SYNJ2BP: variants seen among roughly 807,000 people sequenced by gnomAD.
SYNJ2BP encodes synaptojanin-2-binding protein.
SYNJ2BP carries 10 observed loss-of-function variants against 16.9 expected under a neutral mutation model. The observed-to-expected ratio is 0.59, with a 90% CI of 0.36 to 1.00. SYNJ2BP has a LOEUF of 1.00. Among genes scored for constraint, SYNJ2BP ranks in the 50% least tolerant of loss-of-function variants. The pLI is 0.01. For missense variants in SYNJ2BP, 162 were observed against 186.7 expected (o/e 0.87, Z 0.77); for synonymous variants, 54 against 68.4 (o/e 0.79, Z 1.04).
chr14:70,376,925 A>T (rs1208528886), intron 2 of SYNJ2BP, among the ~76,000 whole-genome samples: 1 of 152,122 alleles, frequency 6.6e-6, no homozygotes, highest in African/African-American at 2.4e-5. Context: ...TCCTTCTCCA[A>T]GGCACTCATA....
chr14:70,415,498 C>T (rs913440551), intron 1 of SYNJ2BP, among the ~76,000 whole-genome samples: 1 of 149,350 alleles, frequency 6.7e-6, no homozygotes, highest in African/African-American at 2.5e-5. Context: ...CTGCAGTGGG[C>T]TGAGATCGTG....
At chr14:70,396,984 T>C (rs756816932) in intron 1 of SYNJ2BP, among the ~76,000 whole-genome samples, 3 of 152,232 alleles carry the variant, frequency 2.0e-5, no homozygotes, top group Non-Finnish European at 2.9e-5. Flanking sequence ...AATTTTTTAC[T>C]TTTAATGAAG....
intron 1 of SYNJ2BP, among the ~76,000 whole-genome samples, chr14:70,414,692 C>G (rs1456242175): frequency 6.6e-6 from 1 of 152,022 alleles, no homozygotes; most frequent in Admixed American, 6.6e-5. Flanking sequence ...TCAAACATCT[C>G]AAGAGGTAGT....
intron 1 of SYNJ2BP, among the ~76,000 whole-genome samples, chr14:70,397,489 C>T (rs1004071793): frequency 6.6e-6 from 1 of 152,304 alleles, no homozygotes. Context: ...TGGGGTGTCA[C>T]TTTTCTGGCA....
chr14:70,381,043 G>C (rs141013727), intron 2 of SYNJ2BP, among the ~76,000 whole-genome samples: 6 of 152,250 alleles, frequency 3.9e-5, no homozygotes, highest in African/African-American at 9.6e-5. Flanking sequence ...CCTGAAGTTT[G>C]GCTGCAGAGT....
At chr14:70,408,674 A>AC (rs1198912156) in intron 1 of SYNJ2BP, among the ~76,000 whole-genome samples, 2 of 2,852 alleles carry the variant, frequency 7.0e-4, no homozygotes, top group Non-Finnish European at 1.6e-3. Flanking sequence ...ACTCCGTCTC[A>AC]AAAAAAAAAA....
intron 2 of SYNJ2BP, among the ~76,000 whole-genome samples, chr14:70,381,959 G>A (rs948262779): frequency 2.0e-5 from 3 of 152,164 alleles, no homozygotes; most frequent in Admixed American, 2.0e-4. Flanking sequence ...TTGTTTGGCC[G>A]GGCGCGGTGG....
chr14:70,405,072 A>G (rs1888318579), intron 1 of SYNJ2BP, among the ~76,000 whole-genome samples: 1 of 152,130 alleles, frequency 6.6e-6, no homozygotes, highest in Non-Finnish European at 1.5e-5. Flanking sequence ...GGCTGCAGTA[A>G]GCTGTAATCA....
chr14:70,400,972 C>T (rs892535484), intron 1 of SYNJ2BP, among the ~76,000 whole-genome samples: 1 of 151,980 alleles, frequency 6.6e-6, no homozygotes, highest in Non-Finnish European at 1.5e-5. Flanking sequence ...TTGAAAAGTC[C>T]GTAAATTATG....
chr14:70,380,661 CA>C lies in SYNJ2BP; in HGVS notation c.202-4891del, dbSNP rs11453577. Among the ~76,000 whole-genome samples the C allele has an allele frequency of 6.0e-4, 85 of 141,006 alleles. 1 individual carries two copies. Among genetic ancestry groups the C allele is most frequent in the South Asian group, 2.3e-3 (10 of 4,332 alleles). 92.5% of individuals were successfully genotyped at this position (141,006 alleles called of 152,430 possible). A position where few individuals can be genotyped will look rare whatever the true frequency, so the allele number is the denominator to read the frequency against. ...TGGGCAACAGAGCAAGACTCTGTCT[CA>C]AAAAAAAAAAAAAGTTAGAGTTGAA... is the stretch of plus-strand genomic sequence containing the variant. On this transcript the variant is annotated intron_variant, in intron 2 of 3. Transcript: ENST00000256366.
chr14:70,388,635 T>A, intron 1 of SYNJ2BP, 29 bp from the exon 2 acceptor site: 1 of 1,456,670 alleles, frequency 6.9e-7, no homozygotes, highest in Non-Finnish European at 9.1e-7. Context: ...AGTAAAAAGA[T>A]GGGGGTGAAG....
intron 2 of SYNJ2BP, among the ~76,000 whole-genome samples, chr14:70,386,611 A>C (rs1887864902): frequency 6.6e-6 from 1 of 152,182 alleles, no homozygotes; most frequent in Non-Finnish European, 1.5e-5. Flanking sequence ...TCAAATACTC[A>C]GATGCCAAAT....
chr14:70,376,567 T>A (rs3784155), intron 2 of SYNJ2BP, among the ~76,000 whole-genome samples: 132,566 of 152,244 alleles, frequency 0.87, 57,784 homozygotes, highest in East Asian at 0.93. Context: ...TCTTTTATAC[T>A]TGTCAATGTC....
chr14:70,416,951 C>T lies in SYNJ2BP; in HGVS notation c.13G>A (p.Val5Met), dbSNP rs1374960799. The change falls in exon 1 of 4, where the codon GTG becomes ATG. Residue 5 changes from valine to methionine, a missense_variant. Physicochemically the swap from Val to Met is conservative, Grantham distance 21. Coordinates refer to ENST00000256366, the MANE Select transcript of SYNJ2BP (RefSeq NM_018373.3). ...TCTTCCTCAGTGACCAAATAATCCACTCTTCCGTTCATGTTTTACAGCTCG... is the reference window on the plus strand; with the variant it reads ...TCTTCCTCAGTGACCAAATAATCCATTCTTCCGTTCATGTTTTACAGCTCG... MNGR[V>M]DYLVTEEEIN... 1.9e-6 allele frequency: 3 copies of T among 1,614,086 alleles called. No individual in the cohort carries two copies. The highest frequency in any genetic ancestry group is 2.7e-5 in the African/African-American group (2 of 74,932).
chr14:70,385,365 A>T, intron 2 of SYNJ2BP, among the ~76,000 whole-genome samples: 1 of 151,756 alleles, frequency 6.6e-6, no homozygotes, highest in South Asian at 2.1e-4. Flanking sequence ...ATTTTATTTT[A>T]TTTTATTTTG....
At chr14:70,383,238 G>A (rs1268778475) in intron 2 of SYNJ2BP, among the ~76,000 whole-genome samples, 2 of 152,190 alleles carry the variant, frequency 1.3e-5, no homozygotes, top group Non-Finnish European at 2.9e-5. Flanking sequence ...TTCCCTGGAG[G>A]TATTTTATTT....
At chr14:70,388,692 C>T in intron 1 of SYNJ2BP, 86 bp from the exon 2 acceptor site, 2 of 1,382,824 alleles carry the variant, frequency 1.4e-6, no homozygotes, top group Non-Finnish European at 1.9e-6. Context: ...GAGGGAAAGC[C>T]TACTGGGGAG....
rs1887475290 is a variant in SYNJ2BP, at chr14:70,369,641, G to A, written c.*3350C>T. 1 of 152,164 alleles carries A rather than the reference G, an allele frequency of 6.6e-6. No individual in the cohort carries two copies. The highest frequency in any genetic ancestry group is 2.1e-4 in the South Asian group (1 of 4,826). 9.4% of individuals were successfully genotyped at this position (152,164 alleles called of 1,614,324 possible). On this transcript the variant is annotated 3_prime_UTR_variant, in exon 4 of 4. Coordinates refer to ENST00000256366, the MANE Select transcript of SYNJ2BP (RefSeq NM_018373.3). ...GACATGAAATAATGTACCAATCAGA[G>A]TTTGGTACAGTCCCTGGCATAGAAC...
chr14:70,397,619 A>ATTCC (rs1469723731), intron 1 of SYNJ2BP, among the ~76,000 whole-genome samples: 1 of 152,196 alleles, frequency 6.6e-6, no homozygotes, highest in Non-Finnish European at 1.5e-5. Context: ...GGGGAACACG[A>ATTCC]TGGCATCTGG....
Sources: allele counts gnomAD v4.1 joint callset (sites outside exome capture counted in the v4.1 genomes callset), GRCh38; gene constraint gnomAD v4.1.1; transcripts MANE v1.5; gene names NCBI Gene and HGNC (gene_info 2026-07-23, HGNC 2026-07-21).